DDHD1: variants seen among roughly 807,000 people sequenced by gnomAD.
DDHD1 encodes the protein phospholipase DDHD1.
Under a neutral mutation model 96.4 loss-of-function variants are expected in DDHD1, and 49 were observed. That is an observed-to-expected ratio of 0.51 (90% CI 0.40 to 0.64). The LOEUF is 0.64. Ranked by LOEUF, DDHD1 falls within the 30% of genes least tolerant of loss-of-function variation. DDHD1 has a pLI of 0.00. For missense variants in DDHD1, 1,106 were observed against 1,161.2 expected (o/e 0.95, Z 0.69); for synonymous variants, 442 against 446.5 (o/e 0.99, Z 0.13).
intron 2 of DDHD1, 60 bp downstream of exon 2, chr14:53,103,623 A>G (rs1887475372): frequency 7.3e-7 from 1 of 1,377,928 alleles, no homozygotes. Context: ...AAACCACTCT[A>G]AACTTTATCA....
At chr14:53,147,374 G>A (rs1891067824) in intron 1 of DDHD1, among the ~76,000 whole-genome samples, 2 of 152,202 alleles carry the variant, frequency 1.3e-5, no homozygotes, top group Admixed American at 1.3e-4. Flanking sequence ...AGAGGTGGTT[G>A]ACAGGGGTAA....
intron 1 of DDHD1, among the ~76,000 whole-genome samples, chr14:53,139,807 G>C (rs1438723173): frequency 5.4e-5 from 7 of 129,718 alleles, no homozygotes; most frequent in Non-Finnish European, 1.1e-4. Flanking sequence ...GACATACAAA[G>C]AAGATGGGAA....
At chr14:53,064,320 T>A (rs1883842105) in intron 6 of DDHD1, among the ~76,000 whole-genome samples, 1 of 152,096 alleles carries the variant, frequency 6.6e-6, no homozygotes, top group Non-Finnish European at 1.5e-5. Context: ...TTTGAAGACC[T>A]TGATTTTAAG....
chr14:53,085,573 A>G (rs1327479011), intron 4 of DDHD1, among the ~76,000 whole-genome samples: 4 of 152,150 alleles, frequency 2.6e-5, no homozygotes, highest in Admixed American at 2.6e-4. Flanking sequence ...GTTAGAAGGA[A>G]AACAAACAAA....
intron 1 of DDHD1, among the ~76,000 whole-genome samples, chr14:53,138,861 T>G (rs1205422785): frequency 6.6e-6 from 1 of 151,976 alleles, no homozygotes; most frequent in Non-Finnish European, 1.5e-5. Flanking sequence ...TAAGAAAGAC[T>G]GAGGGAAGGG....
chr14:53,114,212 C>T (rs1053021089), intron 1 of DDHD1, among the ~76,000 whole-genome samples: 3 of 152,232 alleles, frequency 2.0e-5, no homozygotes, highest in Non-Finnish European at 2.9e-5. Flanking sequence ...AAGACAGCAG[C>T]GCCAGTCAGG....
At chr14:53,149,848 T>C (rs1236601995) in intron 1 of DDHD1, 5 of 152,242 alleles carry the variant, frequency 3.3e-5, no homozygotes, top group Admixed American at 3.3e-4. Flanking sequence ...AGCATTCTAC[T>C]GATATTCTGC....
Position 53,061,106 on chromosome 14 carries a change from A to C in DDHD1, c.1842+20T>G. ...AAAATACTGAGATCAATGTTGAAGA[A>C]CACATTGCTCTTTCCTTACCTTAAA... On this transcript the variant is annotated intron_variant, in intron 8 of 12. Coordinates refer to ENST00000673822, the MANE Select transcript of DDHD1 (RefSeq NM_001160148.2). 1 of 1,594,678 alleles carries C rather than the reference A, an allele frequency of 6.3e-7. No individual in the cohort carries two copies. The highest frequency in any genetic ancestry group is 1.1e-5 in the South Asian group (1 of 88,142).
Position 53,152,749 on chromosome 14 carries a change from A to G in DDHD1, c.350T>C (p.Leu117Pro). 6.4e-7 allele frequency: 1 copy of G among 1,558,824 alleles called. No individual in the cohort carries two copies. Among genetic ancestry groups the G allele is most frequent in the Non-Finnish European group, 8.7e-7 (1 of 1,155,838 alleles). Residue 117 changes from leucine (L) to proline (P), a missense_variant, in exon 1 of 13, where the codon CTG becomes CCG. This residue lies in a region of DDHD1 where 456 missense variants were observed against 402.4 expected (regional missense o/e 1.13). Coordinates refer to ENST00000673822, the MANE Select transcript of DDHD1 (RefSeq NM_001160148.2). ...CAGCGGAGGCTGCTGCGGCGGGTGCAGCGACAAGGAGCTGCCGCCGCCGCC... is the reference window on the plus strand; with the variant it reads ...CAGCGGAGGCTGCTGCGGCGGGTGCGGCGACAAGGAGCTGCCGCCGCCGCC... ...ESGGGGSSLSLHPPQQPPLVP... is the reference protein window; with the variant it reads ...ESGGGGSSLSPHPPQQPPLVP...
chr14:53,054,771 TA>T (rs1882896201), intron 10 of DDHD1, 142 bp from the exon 11 acceptor site: 1 of 658,556 alleles, frequency 1.5e-6, no homozygotes, highest in Non-Finnish European at 2.5e-6. Context: ...AAGAAAATTA[TA>T]ATTTATATTG....
At chr14:53,125,702 ATTTTTT>A (rs1195927962) in intron 1 of DDHD1, among the ~76,000 whole-genome samples, 1 of 139,894 alleles carries the variant, frequency 7.1e-6, no homozygotes, top group Non-Finnish European at 1.6e-5. Context: ...TAAAAGATGG[ATTTTTT>A]TTTTTTTTTT....
intron 2 of DDHD1, 176 bp downstream of exon 2, chr14:53,103,507 G>C: frequency 1.9e-6 from 1 of 528,146 alleles, no homozygotes; most frequent in Non-Finnish European, 3.2e-6. Context: ...AATTGAGATA[G>C]TTCAGATATT....
At chr14:53,078,686 T>A (rs544779499) in intron 4 of DDHD1, among the ~76,000 whole-genome samples, 1 of 152,326 alleles carries the variant, frequency 6.6e-6, no homozygotes, top group African/African-American at 2.4e-5. Flanking sequence ...CTAATCTAGA[T>A]GCCTTTTATT....
intron 2 of DDHD1, among the ~76,000 whole-genome samples, chr14:53,096,622 C>T (rs112920664): frequency 6.6e-6 from 1 of 151,792 alleles, no homozygotes; most frequent in Non-Finnish European, 1.5e-5. Context: ...ATTGAAAATG[C>T]AATAAATAAC....
chr14:53,152,307 G>C lies in DDHD1; in HGVS notation c.792C>G (p.Tyr264Ter). Residue 264 changes from tyrosine to a stop codon, truncating the protein, a stop_gained, in exon 1 of 13, where the codon TAC (tyrosine) becomes TAG (stop). Coordinates refer to ENST00000673822, the MANE Select transcript of DDHD1 (RefSeq NM_001160148.2). LOFTEE classifies it high-confidence loss of function. Reference sequence around the variant, plus strand: ...ACTCTCCTTGGGTCACATCCACCTCGTAGAGGCCGCCCCGCACGCACACAG... The same window carrying C: ...ACTCTCCTTGGGTCACATCCACCTCCTAGAGGCCGCCCCGCACGCACACAG... Reference protein sequence around the residue: ...IEPVCVRGGLYEVDVTQGECY... With the variant: ...IEPVCVRGGL 1 of 1,613,732 alleles carries C rather than the reference G, an allele frequency of 6.2e-7. No individual in the cohort carries two copies. Among genetic ancestry groups the C allele is most frequent in the Non-Finnish European group, 8.5e-7 (1 of 1,179,824 alleles).
chr14:53,076,066 C>T (rs1443543368), intron 4 of DDHD1, among the ~76,000 whole-genome samples: 2 of 152,152 alleles, frequency 1.3e-5, no homozygotes, highest in Non-Finnish European at 2.9e-5. Flanking sequence ...ATCCACTCTG[C>T]AGCCCACGGA....
At chr14:53,099,695 T>G (rs998125071) in intron 2 of DDHD1, among the ~76,000 whole-genome samples, 10 of 152,220 alleles carry the variant, frequency 6.6e-5, no homozygotes, top group Non-Finnish European at 1.3e-4. Flanking sequence ...CCAAATTACT[T>G]GTTGACATCT....
chr14:53,113,384 AC>A, intron 1 of DDHD1, among the ~76,000 whole-genome samples: 1 of 80,370 alleles, frequency 1.2e-5, no homozygotes, highest in African/African-American at 3.9e-5. Flanking sequence ...AAACCCCTGT[AC>A]AAGCCAAAAA....
At chr14:53,049,207 T>C (rs1396882274) in intron 12 of DDHD1, among the ~76,000 whole-genome samples, 2 of 152,212 alleles carry the variant, frequency 1.3e-5, no homozygotes, top group Admixed American at 6.5e-5. Context: ...AAAGGGACTT[T>C]ACTCAGTGTC....
Sources: gnomAD v4.1 joint callset for allele counts (sites outside exome capture counted in the v4.1 genomes callset) on GRCh38, gnomAD v4.1.1 for gene constraint, gnomAD v4.1.1 regional missense constraint, MANE v1.5 for transcripts, NCBI Gene and HGNC (gene_info 2026-07-23, HGNC 2026-07-21) for gene names.